Variants in PSPC1 observed in about 807,000 individuals in gnomAD.
PSPC1 encodes the protein paraspeckle protein 1.
Under a neutral mutation model 51.6 loss-of-function variants are expected in PSPC1, and 14 were observed. The observed-to-expected ratio is 0.27, with a 90% CI of 0.18 to 0.42. The LOEUF is 0.42. PSPC1 is among the 10% of genes least tolerant of loss of function. PSPC1 has a pLI of 1.00. For missense variants in PSPC1, 406 were observed against 701.1 expected, an observed-to-expected ratio of 0.58 and a Z score of 4.75; for synonymous variants, 193 against 231.9, an observed-to-expected ratio of 0.83 and a Z score of 1.53.
intron 8 of PSPC1, among the ~76,000 whole-genome samples, chr13:19,703,710 G>A (rs1283530297): frequency 2.0e-5 from 3 of 151,846 alleles, no homozygotes; most frequent in African/African-American, 7.3e-5. Flanking sequence ...ATGAAACTAC[G>A]CTATGTAAGA....
downstream of PSPC1, among the ~76,000 whole-genome samples, chr13:19,700,904 C>T (rs2137706928): frequency 6.6e-6 from 1 of 152,016 alleles, no homozygotes; most frequent in East Asian, 1.9e-4. Flanking sequence ...TATACTAATC[C>T]ACAAGAAAAA....
chr13:19,691,190 G>A (rs961232754), intron 6 of PSPC1, among the ~76,000 whole-genome samples: 1 of 152,110 alleles, frequency 6.6e-6, no homozygotes, highest in African/African-American at 2.4e-5. Context: ...AATACCAAAT[G>A]TCAAACACTG....
intron 7 of PSPC1, among the ~76,000 whole-genome samples, chr13:19,677,057 A>AC (rs1300306984): frequency 6.6e-6 from 1 of 151,882 alleles, no homozygotes; most frequent in East Asian, 1.9e-4. Flanking sequence ...ACACAGTGAA[A>AC]CCCCGTCTCT....
At chr13:19,771,755 G>C (rs895564597) in intron 2 of PSPC1, among the ~76,000 whole-genome samples, 4 of 152,028 alleles carry the variant, frequency 2.6e-5, no homozygotes, top group Non-Finnish European at 4.4e-5. Context: ...CCAGTAGCTG[G>C]GACTACAGGC....
intron 4 of PSPC1, among the ~76,000 whole-genome samples, chr13:19,748,496 TTACTC>T (rs1886215186): frequency 6.6e-6 from 1 of 152,152 alleles, no homozygotes; most frequent in African/African-American, 2.4e-5. Flanking sequence ...AACTGCAAAA[TTACTC>T]TACTTCAAAC....
At chr13:19,718,243 T>C (rs1250110351) in intron 6 of PSPC1, among the ~76,000 whole-genome samples, 2 of 152,138 alleles carry the variant, frequency 1.3e-5, no homozygotes, top group African/African-American at 4.8e-5. Context: ...TTAAAAAATA[T>C]AAGACAATCT....
intron 7 of PSPC1, 140 bp downstream of exon 7, chr13:19,709,402 T>C: frequency 1.8e-6 from 1 of 565,360 alleles, no homozygotes; most frequent in Non-Finnish European, 3.2e-6. Flanking sequence ...GTATTCCAGT[T>C]TAATGGATGT....
At position 19,782,304 on chromosome 13, in the gene PSPC1, G is replaced by A; in HGVS notation, c.372+82C>T. The A allele has an allele frequency of 2.0e-6, 3 of 1,489,236 alleles. No individual in the cohort carries two copies. Among genetic ancestry groups the A allele is most frequent in the Non-Finnish European group, 2.7e-6 (3 of 1,123,954 alleles). The allele number at this position is 1,489,236 out of a possible 1,614,324, so 92.3% of individuals were successfully genotyped here. ...TGCCACAGGTTGAGACAGCGTCCTAGGACGAGGCTGGCCTCAGCCCCACGA... is the reference window on the plus strand; with the variant it reads ...TGCCACAGGTTGAGACAGCGTCCTAAGACGAGGCTGGCCTCAGCCCCACGA... On this transcript the variant is annotated intron_variant, in intron 1 of 8. Coordinates refer to ENST00000338910, the MANE Select transcript of PSPC1 (RefSeq NM_001354909.2). The surrounding 1 kb of genome is among the most constrained non-coding windows in gnomAD (Gnocchi z 4.5).
At chr13:19,729,988 T>A (rs528571211) in intron 6 of PSPC1, among the ~76,000 whole-genome samples, 2 of 152,242 alleles carry the variant, frequency 1.3e-5, no homozygotes, top group South Asian at 2.1e-4. Context: ...CTTAATAGCA[T>A]ATGTTTTTTT....
At chr13:19,715,310 C>A (rs1407703561) in intron 6 of PSPC1, among the ~76,000 whole-genome samples, 1 of 152,128 alleles carries the variant, frequency 6.6e-6, no homozygotes, top group Admixed American at 6.5e-5. Flanking sequence ...AGGAAGCTTG[C>A]ACTAAGTAAG....
chr13:19,773,815 G>A (rs1169906800), intron 1 of PSPC1, among the ~76,000 whole-genome samples: 1 of 151,826 alleles, frequency 6.6e-6, no homozygotes, highest in African/African-American at 2.4e-5. Flanking sequence ...ACCAAGCATG[G>A]CTAATTTTTT....
intron 5 of PSPC1, among the ~76,000 whole-genome samples, chr13:19,738,815 G>A (rs1336504265): frequency 2.6e-5 from 4 of 151,860 alleles, no homozygotes; most frequent in African/African-American, 9.7e-5. Flanking sequence ...GCTGAGGCAG[G>A]AGAATGGCGT....
chr13:19,705,487 C>CTG (rs1317640803), intron 8 of PSPC1, among the ~76,000 whole-genome samples, 175 bp downstream of exon 8: 1 of 148,156 alleles, frequency 6.7e-6, no homozygotes, highest in Non-Finnish European at 1.5e-5. Context: ...GCGAGACTCT[C>CTG]TGTCTCAAAA....
At chr13:19,781,971 G>C (rs1307290752) in intron 1 of PSPC1, among the ~76,000 whole-genome samples, 1 of 152,096 alleles carries the variant, frequency 6.6e-6, no homozygotes, top group Non-Finnish European at 1.5e-5. Context: ...CGTTTTTTAT[G>C]GCACGATTTT....
intron 6 of PSPC1, among the ~76,000 whole-genome samples, chr13:19,695,917 T>C (rs1222727005): frequency 3.3e-5 from 5 of 151,458 alleles, no homozygotes; most frequent in Admixed American, 3.3e-4. Flanking sequence ...AAAAAAAAAG[T>C]CTTACTCTCA....
rs11840 is a variant in PSPC1 at position 19,703,131 on chromosome 13, C to T, written c.*44G>A. 3,084 of 1,585,934 alleles carry T rather than the reference C, an allele frequency of 1.9e-3. 53 individuals are homozygous for T. The African/African-American group carries it at 0.037, about 19-fold the overall frequency. ...TAACAGGTAAAAGTATAAAGGCATA[C>T]CACTGACTTTTTTTTTTCTAGATAG... is the stretch of plus-strand genomic sequence containing the variant. On this transcript the variant is annotated 3_prime_UTR_variant, in exon 9 of 9. Transcript: ENST00000338910.
At chr13:19,741,452 G>T in intron 5 of PSPC1, 113 bp downstream of exon 5, 1 of 718,818 alleles carries the variant, frequency 1.4e-6, no homozygotes, top group Non-Finnish European at 2.3e-6. Flanking sequence ...GTTAAAATGG[G>T]CAATTTTTCT....
chr13:19,754,084 TTC>T (rs960971612), intron 3 of PSPC1, among the ~76,000 whole-genome samples: 5 of 152,016 alleles, frequency 3.3e-5, no homozygotes, highest in African/African-American at 4.8e-5. Flanking sequence ...TTCTTTTTCT[TTC>T]TTTCTTTTTT....
At chr13:19,698,273 T>G (rs55712402), downstream of PSPC1, among the ~76,000 whole-genome samples, 1,343 of 151,602 alleles carry the variant, frequency 8.9e-3, 14 homozygotes, top group African/African-American at 0.031. Flanking sequence ...CTAGAAAAAA[T>G]TTTAGATAAA....
Sources: gnomAD v4.1 joint callset for allele counts (sites outside exome capture counted in the v4.1 genomes callset) on GRCh38, gnomAD v4.1.1 for gene constraint, Gnocchi (gnomAD v3.1) non-coding constraint, MANE v1.5 for transcripts, NCBI Gene and HGNC (gene_info 2026-07-23, HGNC 2026-07-21) for gene names.